The following FNDC1 variants were observed in gnomAD, a reference collection of about 807,000 sequenced individuals.
FNDC1 encodes fibronectin type III domain-containing protein 1.
FNDC1 carries 96 observed loss-of-function variants against 168.0 expected under a neutral mutation model. The ratio of observed to expected loss-of-function variants is 0.57; its 90% confidence interval spans 0.48 to 0.68. FNDC1 has a LOEUF of 0.68. Ranked by LOEUF, FNDC1 falls within the 30% of genes least tolerant of loss-of-function variation. The probability of loss-of-function intolerance (pLI) is 0.00; values close to 1 mark genes in which losing one functional copy is unlikely to be tolerated. For synonymous variants in FNDC1, 1,099 were observed against 1,025.9 expected (o/e 1.07, Z -1.36); for missense variants, 2,587 against 2,482.1 (o/e 1.04, Z -0.90).
chr6:159,256,432 GC>G, intron 17 of FNDC1, 90 bp from the exon 18 acceptor site: 1 of 902,318 alleles, frequency 1.1e-6, no homozygotes, highest in Non-Finnish European at 1.8e-6. Context: ...TGCATCTGCA[GC>G]TTTGCCTCAC....
chr6:159,209,246 C>A (rs958692582), intron 4 of FNDC1, among the ~76,000 whole-genome samples: 1 of 152,208 alleles, frequency 6.6e-6, no homozygotes, highest in African/African-American at 2.4e-5. Context: ...TGAATTTCCA[C>A]GCTCCAGGCT....
At chr6:159,236,342 C>G (rs60843887) in intron 12 of FNDC1, 27 bp downstream of exon 12, 1 of 1,496,602 alleles carries the variant, frequency 6.7e-7, no homozygotes, top group Non-Finnish European at 9.3e-7. Flanking sequence ...TACACATCCC[C>G]GTTGTTTTCA....
chr6:159,201,086 T>C (rs1223746440), intron 4 of FNDC1, among the ~76,000 whole-genome samples: 1 of 152,286 alleles, frequency 6.6e-6, no homozygotes, highest in Non-Finnish European at 1.5e-5. Context: ...TGGATGTTGA[T>C]GTTGTCTGGT....
Position 159,267,808 on chromosome 6 carries a change from A to G in FNDC1, c.5451A>G (p.Thr1817=), listed in dbSNP as rs1224713968. 6.2e-7 allele frequency: 1 copy of G among 1,613,712 alleles called. No individual in the cohort carries two copies. The highest frequency in any genetic ancestry group is 8.5e-7 in the Non-Finnish European group (1 of 1,179,842). The part of the protein sequence containing the change: ...KIYLSDNLKD[T]FYSIGDSWGR... ...TCAATCAATTCCTTCATGCAGATAC[A>G]TTCTACAGCATTGGAGACAGCTGGG... The change falls in exon 22 of 23, where the codon ACA becomes ACG. Residue 1817 remains threonine (T), a synonymous_variant. Transcript: ENST00000297267.
In FNDC1 at chr6:159,174,198, CTT is replaced by C. The variant is rs564393584; in HGVS notation, c.109+4495_109+4496del. On this transcript the variant is annotated intron_variant, in intron 1 of 22. Transcript: ENST00000297267. ...GTTAGAATACCCATGAAACTACAAA[CTT>C]TGGTGCCTTTGGGATGGAGAGCTGG... is the stretch of plus-strand genomic sequence containing the variant. Among the ~76,000 whole-genome samples, 405 of 152,350 alleles carry C rather than the reference CTT, an allele frequency of 2.7e-3. 2 individuals are homozygous for C. The highest frequency in any genetic ancestry group is 9.4e-3 in the African/African-American group (389 of 41,586).
At chr6:159,214,821 A>G in intron 4 of FNDC1, 124 bp from the exon 5 acceptor site, 1 of 767,294 alleles carries the variant, frequency 1.3e-6, no homozygotes. Flanking sequence ...TTAGTTACCA[A>G]GAAATGCATG....
At chr6:159,251,908 G>T (rs893493817) in intron 17 of FNDC1, among the ~76,000 whole-genome samples, 2 of 152,172 alleles carry the variant, frequency 1.3e-5, no homozygotes, top group South Asian at 2.1e-4. Context: ...CTCCTTGCAG[G>T]ATCAGATCCT....
intron 5 of FNDC1, among the ~76,000 whole-genome samples, chr6:159,219,301 A>G (rs979379855): frequency 1.4e-4 from 21 of 152,198 alleles, no homozygotes; most frequent in Non-Finnish European, 2.5e-4. Context: ...TTGGCCTCCC[A>G]AAATGCTGGG....
rs751574500 is a variant in FNDC1 at position 159,238,545 on chromosome 6, TGGA to T, written c.4069-8_4069-6del. 1 of 1,586,980 alleles carries T rather than the reference TGGA, an allele frequency of 6.3e-7. No homozygotes were observed. The highest frequency in any genetic ancestry group is 8.6e-7 in the Non-Finnish European group (1 of 1,160,292). On this transcript the variant is annotated splice_polypyrimidine_tract_variant and splice_region_variant and intron_variant, in intron 12 of 22. Transcript: ENST00000297267. ...CCAATATATTCTTTAATCTATGTCA[TGGA>T]TTTAGGTTGTGGACCTTGATCGTGG...
At chr6:159,256,065 G>A (rs1004687422) in intron 17 of FNDC1, among the ~76,000 whole-genome samples, 2 of 152,220 alleles carry the variant, frequency 1.3e-5, no homozygotes, top group Non-Finnish European at 2.9e-5. Context: ...TGGGACCCCT[G>A]GGCGTGTGGG....
At chr6:159,192,550 T>A (rs911579021) in intron 1 of FNDC1, among the ~76,000 whole-genome samples, 4 of 152,254 alleles carry the variant, frequency 2.6e-5, no homozygotes, top group Non-Finnish European at 5.9e-5. Flanking sequence ...AGGATGATGC[T>A]GAACATCTAA....
At chr6:159,248,040 T>A (rs868019995) in intron 15 of FNDC1, among the ~76,000 whole-genome samples, 1 of 152,258 alleles carries the variant, frequency 6.6e-6, no homozygotes, top group African/African-American at 2.4e-5. Flanking sequence ...TCACCTTTGA[T>A]GTGTTATTTA....
In FNDC1 at chr6:159,239,792, C is replaced by T. The variant is rs184667158; in HGVS notation, c.4456C>T (p.Arg1486Cys). 6.2e-4 allele frequency: 959 copies of T among 1,545,292 alleles called. 11 individuals are homozygous for T. In the East Asian group the frequency reaches 0.02, roughly 32 times the overall value. The change falls in exon 14 of 23, where the codon CGT (arginine) becomes TGT (cysteine). Residue 1486 changes from arginine (R) to cysteine (C), a missense_variant. Arg to Cys is a radical substitution (Grantham distance 180). Transcript: ENST00000297267. Reference protein sequence around the residue: ...TTTTRRTTTRRPTTTVRTTTR... With the variant: ...TTTTRRTTTRCPTTTVRTTTR... ...CACCACCCGCCGCACGACCACCAGG[C>T]GTCCAACAACCACAGTCCGAACCAC...
chr6:159,193,991 T>G (rs58535738), intron 1 of FNDC1, among the ~76,000 whole-genome samples: 1 of 152,338 alleles, frequency 6.6e-6, no homozygotes, highest in African/African-American at 2.4e-5. Flanking sequence ...TTCTTGAATC[T>G]GAGTAAAGTT....
chr6:159,217,395 G>A (rs1413299987), intron 5 of FNDC1, among the ~76,000 whole-genome samples: 1 of 151,870 alleles, frequency 6.6e-6, no homozygotes, highest in South Asian at 2.1e-4. Flanking sequence ...TGGATAAGCA[G>A]CTCTGTGCTC....
intron 4 of FNDC1, among the ~76,000 whole-genome samples, chr6:159,213,656 C>T (rs1782651033): frequency 6.6e-6 from 1 of 151,406 alleles, no homozygotes; most frequent in Non-Finnish European, 1.5e-5. Context: ...TGTGTGTTCT[C>T]AGTAGATCTG....
chr6:159,189,754 C>G (rs951385156), intron 1 of FNDC1, among the ~76,000 whole-genome samples: 5 of 152,198 alleles, frequency 3.3e-5, no homozygotes, highest in African/African-American at 1.2e-4. Flanking sequence ...AGCTATAAGA[C>G]AAAGACAGCA....
In FNDC1 at chr6:159,251,465, C is replaced by T. The variant is rs141668068; in HGVS notation, c.4998C>T (p.Ala1666=). The T allele has an allele frequency of 7.1e-4, 1,138 of 1,613,910 alleles. No individual in the cohort carries two copies. The highest frequency in any genetic ancestry group is 9.3e-4 in the Non-Finnish European group (1,097 of 1,179,868). Residue 1666 remains alanine, a synonymous_variant, in exon 17 of 23, where the codon GCC becomes GCT. Transcript: ENST00000297267. ...QHAPRNITVV[A]VEGCHSFVIV... is the part of the protein sequence containing the mutation. ...CTCCCCGCAACATCACCGTGGTGGCCGTGGAAGGTTGCCACTCATTTGTCA... is the reference window on the plus strand; with the variant it reads ...CTCCCCGCAACATCACCGTGGTGGCTGTGGAAGGTTGCCACTCATTTGTCA...
At chr6:159,184,645 T>C (rs1271110514) in intron 1 of FNDC1, among the ~76,000 whole-genome samples, 3 of 152,078 alleles carry the variant, frequency 2.0e-5, no homozygotes, top group African/African-American at 4.8e-5. Context: ...CTGAGTAATA[T>C]GAGTGGTGAT....
Sources: gnomAD v4.1 joint callset for allele counts (sites outside exome capture counted in the v4.1 genomes callset) on GRCh38, gnomAD v4.1.1 for gene constraint, MANE v1.5 for transcripts, NCBI Gene and HGNC (gene_info 2026-07-23, HGNC 2026-07-21) for gene names.